The following FRMD4A variants were observed in gnomAD, a reference collection of about 807,000 sequenced individuals.
FRMD4A encodes the protein FERM domain containing 4A, also known as FERM domain-containing protein 4A.
FRMD4A carries 29 observed loss-of-function variants against 129.1 expected under a neutral mutation model. The ratio of observed to expected loss-of-function variants is 0.22; its 90% confidence interval spans 0.17 to 0.31. The LOEUF (loss-of-function observed/expected upper bound fraction) is 0.31. Among genes scored for constraint, FRMD4A ranks in the 10% least tolerant of loss-of-function variants. The probability of loss-of-function intolerance (pLI) is 1.00; values close to 1 mark genes in which losing one functional copy is unlikely to be tolerated. For synonymous variants in FRMD4A, 634 were observed against 571.6 expected (o/e 1.11, Z -1.56); for missense variants, 1,272 against 1,375.8 (o/e 0.92, Z 1.19).
chr10:14,112,748 A>ACTC (rs1226884525), intron 2 of FRMD4A, among the ~76,000 whole-genome samples: 3 of 151,000 alleles, frequency 2.0e-5, no homozygotes, highest in African/African-American at 7.3e-5. Flanking sequence ...CCGGTCTTGA[A>ACTC]CTCCTGACCT....
chr10:13,925,566 C>CTTTTTTTTTTTT lies in FRMD4A; in HGVS notation c.46-66666_46-66655dup, dbSNP rs66980805. ...TGAAAGTTTCTATTGTAGTGAAACG[C>CTTTTTTTTTTTT]TTTTTTTTTTTTTTTTTTTTTTTTT... On this transcript the variant is annotated intron_variant, in intron 2 of 24. Coordinates refer to ENST00000357447, the MANE Select transcript of FRMD4A (RefSeq NM_018027.5). Among the ~76,000 whole-genome samples, 183 of 61,930 alleles carry CTTTTTTTTTTTT rather than the reference C, an allele frequency of 3.0e-3. 39 individuals carry two copies. The highest frequency in any genetic ancestry group is 0.011 in the East Asian group (14 of 1,244). The allele number at this position is 61,930 out of a possible 152,430, so 40.6% of individuals were successfully genotyped here. A position where few individuals can be genotyped will look rare whatever the true frequency, so the allele number is the denominator to read the frequency against.
intron 12 of FRMD4A, among the ~76,000 whole-genome samples, chr10:13,708,147 G>T (rs925995240): frequency 6.6e-6 from 1 of 152,202 alleles, no homozygotes; most frequent in African/African-American, 2.4e-5. Context: ...TCTTTCTGCG[G>T]GGAACAGCTT....
rs144666339 is a variant in FRMD4A at position 14,096,300 on chromosome 10, CT to C, written c.45+233757del. On this transcript the variant is annotated intron_variant, in intron 2 of 24. Coordinates refer to ENST00000357447, the MANE Select transcript of FRMD4A (RefSeq NM_018027.5). ...CACCAGACACCAGATCTGCTGTTGC[CT>C]TGATCTTGAACTTCCCAGCCTCCAA... Among the ~76,000 whole-genome samples, 5 of 152,312 alleles carry C rather than the reference CT, an allele frequency of 3.3e-5. No individual in the cohort carries two copies. In the East Asian group the frequency reaches 9.6e-4, roughly 29 times the overall value.
intron 2 of FRMD4A, among the ~76,000 whole-genome samples, chr10:13,868,702 G>A (rs2094404171): frequency 6.6e-6 from 1 of 152,188 alleles, no homozygotes; most frequent in African/African-American, 2.4e-5. Context: ...GGGAGGCTGA[G>A]GTGGGAGGAT....
Position 13,712,666 on chromosome 10 carries a change from G to T in FRMD4A, c.760-5553C>A, listed in dbSNP as rs117757034. Among the ~76,000 whole-genome samples, 577 of 152,324 alleles carry T rather than the reference G, an allele frequency of 3.8e-3. 3 individuals carry two copies. The highest frequency in any genetic ancestry group is 7.2e-3 in the Non-Finnish European group (491 of 68,030). ...GGCTGATACTGGATGTGGATTCTTA[G>T]TTTCTGACCTAGACTTGCCGTGACT... On this transcript the variant is annotated intron_variant, in intron 12 of 24. Coordinates refer to ENST00000357447, the MANE Select transcript of FRMD4A (RefSeq NM_018027.5).
chr10:13,697,384 G>A (rs761012849), intron 14 of FRMD4A, among the ~76,000 whole-genome samples: 8 of 152,136 alleles, frequency 5.3e-5, no homozygotes, highest in Non-Finnish European at 8.8e-5. Flanking sequence ...CTGATCTTAG[G>A]TGATCTGCCC....
At chr10:13,898,392 T>C (rs897223292) in intron 2 of FRMD4A, among the ~76,000 whole-genome samples, 1 of 152,044 alleles carries the variant, frequency 6.6e-6, no homozygotes, top group Non-Finnish European at 1.5e-5. Context: ...AAAAAATTGA[T>C]AACGAGACCA....
chr10:13,785,791 G>A (rs1055580619), intron 5 of FRMD4A, among the ~76,000 whole-genome samples: 4 of 150,586 alleles, frequency 2.7e-5, no homozygotes. Flanking sequence ...CCCACGACAG[G>A]CCCCAGTATG....
At chr10:14,053,620 T>C (rs937941593) in intron 2 of FRMD4A, among the ~76,000 whole-genome samples, 7 of 152,168 alleles carry the variant, frequency 4.6e-5, no homozygotes, top group African/African-American at 1.7e-4. Flanking sequence ...GTGGTTTTAG[T>C]TATTAATTTT....
At chr10:13,757,541 T>A (rs2091914796) in intron 8 of FRMD4A, among the ~76,000 whole-genome samples, 1 of 152,102 alleles carries the variant, frequency 6.6e-6, no homozygotes, top group South Asian at 2.1e-4. Flanking sequence ...TAAAGTCCAA[T>A]AAGACAAGGA....
intron 2 of FRMD4A, among the ~76,000 whole-genome samples, chr10:14,056,774 C>T (rs1834554004): frequency 6.6e-6 from 1 of 152,212 alleles, no homozygotes; most frequent in African/African-American, 2.4e-5. Flanking sequence ...AGGCATTTCA[C>T]ATCCAAGCTC....
At chr10:14,215,313 C>G (rs1230981896) in intron 2 of FRMD4A, among the ~76,000 whole-genome samples, 2 of 152,070 alleles carry the variant, frequency 1.3e-5, no homozygotes, top group African/African-American at 4.8e-5. Flanking sequence ...TTGAAAGGAT[C>G]CAATATTTCT....
chr10:14,138,437 A>G (rs1043509833), intron 2 of FRMD4A, among the ~76,000 whole-genome samples: 1 of 152,164 alleles, frequency 6.6e-6, no homozygotes, highest in Non-Finnish European at 1.5e-5. Context: ...CTAACTTCCT[A>G]ACGCGTTGGG....
chr10:14,084,842 C>T lies in FRMD4A; in HGVS notation c.46-225930G>A, dbSNP rs139585145. On this transcript the variant is annotated intron_variant, in intron 2 of 24. Transcript: ENST00000357447. ...CTCGACTGCTCCTTCTCCTGAAAAC[C>T]ACCATAAAGCTGTCTGTCCGTGCTT... Among the ~76,000 whole-genome samples, 125 of 152,340 alleles carry T rather than the reference C, an allele frequency of 8.2e-4. 1 individual carries two copies. Among genetic ancestry groups the T allele is most frequent in the Middle Eastern group, 3.4e-3 (1 of 294 alleles).
At chr10:13,792,977 T>C (rs761243680) in intron 5 of FRMD4A, among the ~76,000 whole-genome samples, 51 of 152,246 alleles carry the variant, frequency 3.3e-4, no homozygotes, top group Non-Finnish European at 3.4e-4. Context: ...TTGGGTCTTA[T>C]ATTTTCCTAA....
chr10:13,826,762 T>C (rs1305098089), intron 3 of FRMD4A, among the ~76,000 whole-genome samples: 7 of 152,142 alleles, frequency 4.6e-5, no homozygotes, highest in African/African-American at 1.4e-4. Flanking sequence ...AAAAGTACAG[T>C]ACCGATACTG....
intron 14 of FRMD4A, among the ~76,000 whole-genome samples, chr10:13,699,550 AGAG>A (rs1470938985): frequency 6.6e-6 from 1 of 152,208 alleles, no homozygotes; most frequent in Non-Finnish European, 1.5e-5. Flanking sequence ...ACCGGCGCAG[AGAG>A]GAGGAGCTTG....
At chr10:13,884,174 ACT>A (rs59277823) in intron 2 of FRMD4A, among the ~76,000 whole-genome samples, 20,449 of 104,564 alleles carry the variant, frequency 0.2, 2,276 homozygotes, top group Non-Finnish European at 0.22. Flanking sequence ...ACACTCACAC[ACT>A]CACACACACA....
At position 13,657,280 on chromosome 10, in the gene FRMD4A, G is replaced by A. The variant is rs765982544; in HGVS notation, c.2309C>T (p.Thr770Met). The A allele has an allele frequency of 1.2e-6, 2 of 1,606,858 alleles. No individual in the cohort carries two copies. Among genetic ancestry groups the A allele is most frequent in the Non-Finnish European group, 1.7e-6 (2 of 1,178,658 alleles). ...CTTGGACGGCGAGTCCTCGGCCAGC[G>A]TGGAGTAGTTGGCGTTCATCTGCGC... is the stretch of plus-strand genomic sequence containing the variant. ...YPAQMNANYS[T>M]LAEDSPSKAR... The change falls in exon 22 of 25, where the codon ACG (threonine) becomes ATG (methionine). Residue 770 changes from threonine to methionine, a missense_variant. By Grantham distance (81) the Thr-to-Met change is moderately conservative. Coordinates refer to ENST00000357447, the MANE Select transcript of FRMD4A (RefSeq NM_018027.5).
Sources: allele counts gnomAD v4.1 joint callset (sites outside exome capture counted in the v4.1 genomes callset), GRCh38; gene constraint gnomAD v4.1.1; transcripts MANE v1.5; gene names NCBI Gene and HGNC (gene_info 2026-07-23, HGNC 2026-07-21).